Variants in DLGAP2 observed in about 807,000 individuals in gnomAD.
DLGAP2 encodes the protein disks large-associated protein 2.
Under a neutral mutation model 100.3 loss-of-function variants are expected in DLGAP2, and 26 were observed. The observed-to-expected ratio is 0.26, with a 90% CI of 0.19 to 0.36. The LOEUF (loss-of-function observed/expected upper bound fraction) is 0.36. Ranked by LOEUF, DLGAP2 falls within the 10% of genes least tolerant of loss-of-function variation. The pLI is 1.00. For missense variants in DLGAP2, 1,858 were observed against 1,453.2 expected (o/e 1.28, Z -4.53); for synonymous variants, 886 against 630.1 (o/e 1.41, Z -6.08).
intron 3 of DLGAP2, among the ~76,000 whole-genome samples, chr8:1,281,097 T>G (rs969249564): frequency 2.0e-5 from 3 of 152,224 alleles, no homozygotes; most frequent in African/African-American, 7.2e-5. Flanking sequence ...TCAATGAGAT[T>G]ATGTATGCCA....
chr8:1,689,910 G>A (rs1425793559), intron 12 of DLGAP2, among the ~76,000 whole-genome samples: 1 of 152,202 alleles, frequency 6.6e-6, no homozygotes. Context: ...TGTTGCTCTG[G>A]CAAATAATAT....
At chr8:904,687 G>A (rs991060852) in intron 1 of DLGAP2, among the ~76,000 whole-genome samples, 1 of 152,180 alleles carries the variant, frequency 6.6e-6, no homozygotes, top group Admixed American at 6.5e-5. Flanking sequence ...ACATGTCAGT[G>A]CTCGCAGCTG....
At chr8:818,716 G>A (rs190098535) in intron 1 of DLGAP2, among the ~76,000 whole-genome samples, 2 of 152,128 alleles carry the variant, frequency 1.3e-5, no homozygotes, top group African/African-American at 4.8e-5. Flanking sequence ...GGAAACTTGT[G>A]GCAAGATTTA....
chr8:1,327,030 C>T (rs1801037837), intron 3 of DLGAP2, among the ~76,000 whole-genome samples: 1 of 152,230 alleles, frequency 6.6e-6, no homozygotes, highest in Non-Finnish European at 1.5e-5. Context: ...GATTCTGAAG[C>T]AAATGTTTCC....
At chr8:1,573,463 T>C (rs919306429) in intron 6 of DLGAP2, among the ~76,000 whole-genome samples, 11 of 151,940 alleles carry the variant, frequency 7.2e-5, no homozygotes, top group Non-Finnish European at 1.5e-4. Context: ...TCTAATGGGA[T>C]TGAGAAGACA....
At chr8:829,452 G>C (rs939556639) in intron 1 of DLGAP2, among the ~76,000 whole-genome samples, 1 of 152,144 alleles carries the variant, frequency 6.6e-6, no homozygotes, top group South Asian at 2.1e-4. Context: ...TACCCATCGT[G>C]TTTATTTATA....
intron 1 of DLGAP2, among the ~76,000 whole-genome samples, chr8:797,864 C>T (rs1330827791): frequency 6.6e-6 from 1 of 152,194 alleles, no homozygotes; most frequent in Non-Finnish European, 1.5e-5. Flanking sequence ...AATTCTCCTG[C>T]TTCAGCCTCC....
chr8:1,111,308 C>T (rs1383315510), intron 2 of DLGAP2, among the ~76,000 whole-genome samples: 1 of 152,200 alleles, frequency 6.6e-6, no homozygotes. Context: ...ACTGTGTGTG[C>T]TGAAGGCTGT....
chr8:900,526 A>T (rs1340224140), intron 1 of DLGAP2, among the ~76,000 whole-genome samples: 2 of 152,120 alleles, frequency 1.3e-5, no homozygotes, highest in Non-Finnish European at 2.9e-5. Flanking sequence ...CCTTGCAGCA[A>T]ATATGCAGTG....
intron 3 of DLGAP2, among the ~76,000 whole-genome samples, chr8:1,443,136 G>A (rs1031650990): frequency 1.3e-5 from 2 of 152,122 alleles, no homozygotes; most frequent in Non-Finnish European, 2.9e-5. Context: ...AAAGTTTTAT[G>A]TTATGAAAGT....
chr8:1,413,756 A>G (rs1448132698), intron 3 of DLGAP2, among the ~76,000 whole-genome samples: 1 of 152,248 alleles, frequency 6.6e-6, no homozygotes, highest in African/African-American at 2.4e-5. Flanking sequence ...GTGCAATGAC[A>G]GGATGATGGG....
intron 8 of DLGAP2, among the ~76,000 whole-genome samples, chr8:1,639,814 G>C (rs543307532): frequency 1.1e-4 from 17 of 152,346 alleles, no homozygotes; most frequent in Non-Finnish European, 2.1e-4. Context: ...CATGGCTCCA[G>C]CCTGGGCCTC....
At chr8:1,071,945 G>A (rs539053880) in intron 2 of DLGAP2, among the ~76,000 whole-genome samples, 2 of 152,322 alleles carry the variant, frequency 1.3e-5, no homozygotes, top group African/African-American at 4.8e-5. Flanking sequence ...GGGTGGTTTG[G>A]GTGCCGTGCT....
At chr8:1,469,243 C>T (rs1473126328) in intron 3 of DLGAP2, among the ~76,000 whole-genome samples, 1 of 152,222 alleles carries the variant, frequency 6.6e-6, no homozygotes, top group African/African-American at 2.4e-5. Flanking sequence ...TGGCTGTGGC[C>T]AGCAGCAGTG....
chr8:872,555 C>G (rs1217137206), intron 1 of DLGAP2, among the ~76,000 whole-genome samples: 1 of 152,104 alleles, frequency 6.6e-6, no homozygotes, highest in African/African-American at 2.4e-5. Context: ...TGGTCTCAAA[C>G]TGACCTCAGG....
intron 2 of DLGAP2, among the ~76,000 whole-genome samples, chr8:1,085,793 G>T (rs1322726941): frequency 6.6e-6 from 1 of 152,122 alleles, no homozygotes. Flanking sequence ...TGTTTTTTCT[G>T]TATCTACAAG....
intron 2 of DLGAP2, among the ~76,000 whole-genome samples, chr8:1,256,715 G>A (rs537842499): frequency 3.2e-4 from 48 of 152,306 alleles, no homozygotes; most frequent in Admixed American, 1.2e-3. Context: ...CTCTGTTCCC[G>A]AGTGAGATGC....
chr8:1,129,311 G>A (rs1345987545), intron 2 of DLGAP2, among the ~76,000 whole-genome samples: 1 of 151,908 alleles, frequency 6.6e-6, no homozygotes, highest in Admixed American at 6.6e-5. Context: ...GCTGAGGCAG[G>A]GGAATTGTTT....
rs1388421421 is a variant in DLGAP2 at position 932,150 on chromosome 8, A to T, written c.73+24184A>T. Among the ~76,000 whole-genome samples, 6 of 152,184 alleles carry T rather than the reference A, an allele frequency of 3.9e-5. No homozygotes were observed. The East Asian group carries it at 7.7e-4, about 20-fold the overall frequency. On this transcript the variant is annotated intron_variant, in intron 2 of 14. Coordinates refer to ENST00000637795, the MANE Select transcript of DLGAP2 (RefSeq NM_001346810.2). ...AAGTGTCTGATGTTTTTGTCGACAAACCTTTTCCTTTTCACCTTTTCCCTC... is the reference window on the plus strand; with the variant it reads ...AAGTGTCTGATGTTTTTGTCGACAATCCTTTTCCTTTTCACCTTTTCCCTC...
Sources: allele counts gnomAD v4.1 joint callset (sites outside exome capture counted in the v4.1 genomes callset), GRCh38; gene constraint gnomAD v4.1.1; transcripts MANE v1.5; gene names NCBI Gene and HGNC (gene_info 2026-07-23, HGNC 2026-07-21).